The following PHC2 variants were observed in gnomAD, a reference collection of about 807,000 sequenced individuals.
PHC2 encodes the protein polyhomeotic homolog 2, also known as polyhomeotic-like protein 2.
A neutral mutation model predicts 87.4 loss-of-function variants in PHC2; 29 were observed. The ratio of observed to expected loss-of-function variants is 0.33; its 90% CI spans 0.25 to 0.45. The LOEUF (loss-of-function observed/expected upper bound fraction) is 0.45, where lower values mean the gene tolerates loss of function less well. Ranked by LOEUF, PHC2 falls within the 20% of genes least tolerant of loss-of-function variation. The pLI is 1.00. For synonymous variants in PHC2, 438 were observed against 461.7 expected (o/e 0.95, Z 0.66); for missense variants, 857 against 1,136.7 (o/e 0.75, Z 3.54).
chr1:33,397,181 C>A (rs1649329001), intron 1 of PHC2, among the ~76,000 whole-genome samples: 1 of 152,180 alleles, frequency 6.6e-6, no homozygotes, highest in African/African-American at 2.4e-5. Flanking sequence ...GGCAGCAGCA[C>A]CATCACCAGG....
At chr1:33,402,443 C>T (rs1290508470) in intron 1 of PHC2, among the ~76,000 whole-genome samples, 1 of 151,998 alleles carries the variant, frequency 6.6e-6, no homozygotes. Context: ...TATCTATACA[C>T]CTATCTTAGA....
chr1:33,410,502 G>A (rs978026847), intron 1 of PHC2, among the ~76,000 whole-genome samples: 5 of 152,236 alleles, frequency 3.3e-5, no homozygotes, highest in Non-Finnish European at 7.3e-5. Flanking sequence ...CAGCCTGTGT[G>A]TATGCAGAAA....
chr1:33,331,562 TC>T lies in PHC2; in HGVS notation c.1892-101del, dbSNP rs1311013995. The T allele has an allele frequency of 1.4e-6, 1 of 691,418 alleles. No homozygotes were observed. The highest frequency in any genetic ancestry group is 2.6e-6 in the Non-Finnish European group (1 of 382,062). The allele number at this position is 691,418 out of a possible 1,614,324, so 42.8% of individuals were successfully genotyped here. On this transcript the variant is annotated intron_variant, in intron 11 of 14. Transcript: ENST00000683057. The surrounding 1 kb of genome is among the most constrained non-coding windows in gnomAD (Gnocchi z 5.2). ...CTCCCTACTCCATCCTGCCTGGTCC[TC>T]CTGCTCCCACAGCTGTGACATACAG...
In PHC2 at chr1:33,332,478, T is replaced by G; in HGVS notation, c.1762-74A>C. ...TCCTTGCTATCCATCCTCATCACAA[T>G]TACACGTATAAAGTATCCAGGCACA... On this transcript the variant is annotated intron_variant, in intron 10 of 14. Coordinates refer to ENST00000683057, the MANE Select transcript of PHC2 (RefSeq NM_001385109.1). The surrounding 1 kb of genome is among the most constrained non-coding windows in gnomAD (Gnocchi z 4.2). 1 of 1,556,712 alleles carries G rather than the reference T, an allele frequency of 6.4e-7. No individual in the cohort carries two copies. Among genetic ancestry groups the G allele is most frequent in the Admixed American group, 1.7e-5 (1 of 59,680 alleles).
At chr1:33,419,962 AC>A (rs754083444) in intron 1 of PHC2, among the ~76,000 whole-genome samples, 1 of 151,608 alleles carries the variant, frequency 6.6e-6, no homozygotes, top group Admixed American at 6.6e-5. Context: ...CCCAGATATA[AC>A]CCCCCCATGT....
chr1:33,426,589 T>A (rs150850137), intron 1 of PHC2, among the ~76,000 whole-genome samples: 1,712 of 152,252 alleles, frequency 0.011, 19 homozygotes, highest in Middle Eastern at 0.02. Flanking sequence ...GGTGGATGAG[T>A]TTCCAGAAGT....
At chr1:33,363,186 G>A (rs963119536) in intron 7 of PHC2, 6 of 152,172 alleles carry the variant, frequency 3.9e-5, no homozygotes, top group African/African-American at 1.2e-4. Flanking sequence ...TCACACATAC[G>A]TGCACACAGG....
intron 7 of PHC2, chr1:33,363,868 C>T: frequency 6.1e-6 from 6 of 985,302 alleles, no homozygotes; most frequent in Non-Finnish European, 7.2e-6. Context: ...GCCCAAGGGA[C>T]CCCTGCTGCC....
chr1:33,427,196 T>C (rs1019175058), intron 1 of PHC2, among the ~76,000 whole-genome samples: 48 of 152,154 alleles, frequency 3.2e-4, no homozygotes, highest in African/African-American at 1.1e-3. Flanking sequence ...GAAGATTAAA[T>C]GGGATAATGA....
intron 9 of PHC2, among the ~76,000 whole-genome samples, chr1:33,352,585 C>G (rs1045673437): frequency 2.6e-5 from 4 of 152,174 alleles, no homozygotes; most frequent in African/African-American, 9.7e-5. Context: ...CAGATGTAAG[C>G]AATTATATTT....
At chr1:33,350,104 A>G (rs907885389) in intron 9 of PHC2, among the ~76,000 whole-genome samples, 15 of 151,352 alleles carry the variant, frequency 9.9e-5, no homozygotes, top group African/African-American at 3.6e-4. Context: ...CGCCACGAGG[A>G]GGCTGCCCTG....
chr1:33,426,909 T>C (rs1557851201), intron 1 of PHC2, among the ~76,000 whole-genome samples: 1 of 152,170 alleles, frequency 6.6e-6, no homozygotes, highest in Non-Finnish European at 1.5e-5. Flanking sequence ...AGAACCCCCT[T>C]GTTAAAAATC....
chr1:33,380,372 C>A (rs535585236), intron 1 of PHC2, among the ~76,000 whole-genome samples: 19 of 152,218 alleles, frequency 1.2e-4, no homozygotes, highest in Non-Finnish European at 2.4e-4. Context: ...AATCTACTTT[C>A]ATTCTCTATG....
chr1:33,354,335 T>C (rs1647027441), intron 9 of PHC2, 66 bp downstream of exon 9: 1 of 1,438,120 alleles, frequency 7.0e-7, no homozygotes, highest in Admixed American at 2.0e-5. Flanking sequence ...CCAAGTGAAA[T>C]GTGCCAGGGC....
intron 1 of PHC2, among the ~76,000 whole-genome samples, chr1:33,387,815 T>C (rs556682553): frequency 2.6e-5 from 4 of 152,354 alleles, no homozygotes; most frequent in African/African-American, 9.6e-5. Flanking sequence ...TTGGCTCCCA[T>C]AGCCTTCTGT....
intron 13 of PHC2, 71 bp from the exon 14 acceptor site, chr1:33,329,217 T>C (rs1646436538): frequency 3.3e-6 from 5 of 1,494,654 alleles, no homozygotes; most frequent in East Asian, 2.3e-5. Context: ...ACAAAGGAGG[T>C]ATTTCTCCTT....
rs952019989 is a variant in PHC2, at chr1:33,324,462, A to C, written c.*403T>G. ...CCTGGAGAAAGAAGTGGGAGGAAGG[A>C]AGGCAAGGGCTTTCTAGGCCTCCAT... On this transcript the variant is annotated 3_prime_UTR_variant, in exon 15 of 15. Transcript: ENST00000683057. The C allele has an allele frequency of 8.1e-5, 13 of 159,898 alleles. No individual in the cohort carries two copies. Among genetic ancestry groups the C allele is most frequent in the South Asian group, 6.0e-4 (3 of 5,000 alleles). The allele number at this position is 159,898 out of a possible 1,614,324, so 9.9% of individuals were successfully genotyped here. A position where few individuals can be genotyped will look rare whatever the true frequency, so the allele number is the denominator to read the frequency against.
chr1:33,372,267 C>CA, intron 3 of PHC2, 22 bp downstream of exon 3: 1 of 1,502,446 alleles, frequency 6.7e-7, no homozygotes, highest in Non-Finnish European at 9.0e-7. Flanking sequence ...GCACCAGCCT[C>CA]AAGGTCCTTC....
chr1:33,425,368 T>C (rs931298659), intron 1 of PHC2, among the ~76,000 whole-genome samples: 1 of 152,232 alleles, frequency 6.6e-6, no homozygotes, highest in Admixed American at 6.5e-5. Flanking sequence ...TATACCTACG[T>C]TTTATAAAGA....
Sources: allele counts gnomAD v4.1 joint callset (sites outside exome capture counted in the v4.1 genomes callset), GRCh38; gene constraint gnomAD v4.1.1; non-coding constraint Gnocchi (gnomAD v3.1); transcripts MANE v1.5; gene names NCBI Gene and HGNC (gene_info 2026-07-23, HGNC 2026-07-21).